Variants in DNM3 observed in about 807,000 individuals in gnomAD.
The protein encoded by DNM3 is dynamin 3.
A neutral mutation model predicts 101.6 loss-of-function variants in DNM3; 47 were observed. The observed-to-expected ratio is 0.46, with a 90% CI of 0.37 to 0.59. The LOEUF (loss-of-function observed/expected upper bound fraction) is 0.59, where lower values mean the gene tolerates loss of function less well. Among genes scored for constraint, DNM3 ranks in the 20% least tolerant of loss-of-function variants. The pLI, the probability that DNM3 is intolerant of heterozygous loss-of-function variation, is 0.00. For synonymous variants in DNM3, 385 were observed against 387.9 expected, an observed-to-expected ratio of 0.99 and a Z score of 0.09; for missense variants, 849 against 1,085.7, an observed-to-expected ratio of 0.78 and a Z score of 3.06.
intron 20 of DNM3, 37 bp downstream of exon 20, chr1:172,388,846 C>T: frequency 6.8e-7 from 1 of 1,464,002 alleles, no homozygotes; most frequent in Admixed American, 2.0e-5. Context: ...GGTAGTGCGC[C>T]TTGGTTCTCT....
chr1:172,129,484 C>T (rs974195794), intron 13 of DNM3, among the ~76,000 whole-genome samples: 7 of 151,940 alleles, frequency 4.6e-5, no homozygotes, highest in South Asian at 4.2e-4. Flanking sequence ...AAGACATACC[C>T]GAGACTGGGA....
intron 14 of DNM3, among the ~76,000 whole-genome samples, chr1:172,151,914 C>T (rs1385716284): frequency 6.6e-6 from 1 of 152,098 alleles, no homozygotes; most frequent in Non-Finnish European, 1.5e-5. Flanking sequence ...AACACTCTTC[C>T]ACTCAGGCTG....
chr1:171,956,110 C>T (rs1398506081), intron 2 of DNM3, among the ~76,000 whole-genome samples: 3 of 152,070 alleles, frequency 2.0e-5, no homozygotes, highest in African/African-American at 7.2e-5. Flanking sequence ...GCTCCTGGCC[C>T]CTCCCAAATC....
intron 17 of DNM3, among the ~76,000 whole-genome samples, chr1:172,332,822 C>T (rs2066247458): frequency 6.6e-6 from 1 of 152,204 alleles, no homozygotes; most frequent in Admixed American, 6.5e-5. Context: ...AAGTACAATC[C>T]TGCTAAGTGC....
At chr1:172,008,956 A>C (rs1454753717) in intron 4 of DNM3, among the ~76,000 whole-genome samples, 1 of 137,804 alleles carries the variant, frequency 7.3e-6, no homozygotes, top group Non-Finnish European at 1.5e-5. Context: ...TATTATATTA[A>C]TATATTTATA....
At position 172,409,769 on chromosome 1, in the gene DNM3, C is replaced by A. The variant is rs2071104795; in HGVS notation, c.*1928C>A. Reference sequence around the variant, plus strand: ...GTTTTTAGGATTCCCTTTGCTTCTTCCTTTGAATTCTCTAAAATAGGCAGC... The same window carrying A: ...GTTTTTAGGATTCCCTTTGCTTCTTACTTTGAATTCTCTAAAATAGGCAGC... On this transcript the variant is annotated 3_prime_UTR_variant, in exon 21 of 21. Coordinates refer to ENST00000627582, the MANE Select transcript of DNM3 (RefSeq NM_015569.5). 1.0e-6 allele frequency: 1 copy of A among 985,554 alleles called. No homozygotes were observed. Among genetic ancestry groups the A allele is most frequent in the South Asian group, 4.7e-5 (1 of 21,272 alleles). The allele number at this position is 985,554 out of a possible 1,614,324, so 61.1% of individuals were successfully genotyped here. A position where few individuals can be genotyped will look rare whatever the true frequency, so the allele number is the denominator to read the frequency against.
chr1:172,280,161 C>G (rs749987616), intron 15 of DNM3, among the ~76,000 whole-genome samples: 1 of 152,056 alleles, frequency 6.6e-6, no homozygotes, highest in Non-Finnish European at 1.5e-5. Context: ...CCCAGAAACT[C>G]CCGTGAGTCA....
At chr1:172,363,343 A>AT (rs1276208285) in intron 17 of DNM3, among the ~76,000 whole-genome samples, 5 of 151,828 alleles carry the variant, frequency 3.3e-5, no homozygotes, top group South Asian at 2.1e-4. Context: ...AAATAAACTC[A>AT]TTTTTTCCAT....
intron 15 of DNM3, among the ~76,000 whole-genome samples, chr1:172,279,512 T>A (rs552688926): frequency 6.6e-6 from 1 of 152,272 alleles, no homozygotes; most frequent in African/African-American, 2.4e-5. Context: ...TCCATCTATA[T>A]GCTGTTGACC....
At chr1:172,192,098 T>A (rs1189930771) in intron 14 of DNM3, among the ~76,000 whole-genome samples, 1 of 152,118 alleles carries the variant, frequency 6.6e-6, no homozygotes, top group Non-Finnish European at 1.5e-5. Flanking sequence ...TGCTTCCAGT[T>A]TTTGCCCACT....
At chr1:171,887,170 CT>C (rs1455379181) in intron 1 of DNM3, among the ~76,000 whole-genome samples, 1 of 152,064 alleles carries the variant, frequency 6.6e-6, no homozygotes, top group East Asian at 1.9e-4. Flanking sequence ...TAGAAGTCTT[CT>C]GCTATTATTA....
intron 14 of DNM3, among the ~76,000 whole-genome samples, chr1:172,242,391 A>G (rs987749647): frequency 1.3e-5 from 2 of 152,168 alleles, no homozygotes; most frequent in African/African-American, 4.8e-5. Context: ...GCTGAAGGTA[A>G]GAATGAGTTG....
chr1:172,327,127 T>A (rs1395842435), intron 17 of DNM3, among the ~76,000 whole-genome samples: 2 of 152,142 alleles, frequency 1.3e-5, no homozygotes, highest in East Asian at 1.9e-4. Flanking sequence ...GGCCTTGATA[T>A]TTAAGAAAAG....
intron 13 of DNM3, among the ~76,000 whole-genome samples, chr1:172,109,158 T>C (rs1443924031): frequency 1.3e-5 from 2 of 152,130 alleles, no homozygotes; most frequent in African/African-American, 2.4e-5. Context: ...TAATATCGAG[T>C]CATTTTATTG....
intron 14 of DNM3, chr1:172,144,261 A>C (rs2057756706): frequency 6.4e-6 from 1 of 156,078 alleles, no homozygotes; most frequent in African/African-American, 2.4e-5. Flanking sequence ...ATCTCTACCC[A>C]TCACACATGT....
chr1:172,324,188 G>A (rs542184500), intron 17 of DNM3, among the ~76,000 whole-genome samples: 2 of 152,256 alleles, frequency 1.3e-5, no homozygotes, highest in East Asian at 3.9e-4. Context: ...TTTTTTCTAT[G>A]GAGATACATT....
chr1:171,886,022 T>C (rs1314756856), intron 1 of DNM3, among the ~76,000 whole-genome samples: 1 of 152,130 alleles, frequency 6.6e-6, no homozygotes, highest in East Asian at 1.9e-4. Flanking sequence ...GGTGGCCTGA[T>C]TAGGGATCTC....
At chr1:172,199,542 A>G (rs1402759251) in intron 14 of DNM3, among the ~76,000 whole-genome samples, 1 of 152,038 alleles carries the variant, frequency 6.6e-6, no homozygotes, top group Non-Finnish European at 1.5e-5. Flanking sequence ...GTGGGAGTCT[A>G]TGTCTCTTTG....
chr1:171,843,269 C>A (rs753037070), intron 1 of DNM3, among the ~76,000 whole-genome samples: 18 of 152,184 alleles, frequency 1.2e-4, no homozygotes, highest in Middle Eastern at 3.4e-3. Context: ...AATCACTACA[C>A]CTCATTTTTA....
Sources: allele counts gnomAD v4.1 joint callset (sites outside exome capture counted in the v4.1 genomes callset), GRCh38; gene constraint gnomAD v4.1.1; transcripts MANE v1.5; gene names NCBI Gene and HGNC (gene_info 2026-07-23, HGNC 2026-07-21).